The following KCNK13 variants were observed in gnomAD, a reference collection of about 807,000 sequenced individuals.
The protein encoded by KCNK13 is potassium channel subfamily K member 13.
A neutral mutation model predicts 23.4 loss-of-function variants in KCNK13; 12 were observed. That is an observed-to-expected ratio of 0.51 (90% confidence interval 0.33 to 0.83). KCNK13 has a LOEUF of 0.83. Among genes scored for constraint, KCNK13 ranks in the 40% least tolerant of loss-of-function variants. The pLI is 0.02. For synonymous variants in KCNK13, 231 were observed against 229.5 expected, an observed-to-expected ratio of 1.01 and a Z score of -0.06; for missense variants, 463 against 556.3, an observed-to-expected ratio of 0.83 and a Z score of 1.69.
At chr14:90,077,581 T>C (rs1328691099) in intron 1 of KCNK13, among the ~76,000 whole-genome samples, 2 of 152,236 alleles carry the variant, frequency 1.3e-5, no homozygotes, top group African/African-American at 2.4e-5. Flanking sequence ...ACTTTGATAT[T>C]GTGGATTTGA....
intron 1 of KCNK13, among the ~76,000 whole-genome samples, chr14:90,143,193 TCTTTCTTTTCTTTCTTTTC>T (rs1890034303): frequency 7.7e-6 from 1 of 129,136 alleles, no homozygotes; most frequent in African/African-American, 2.8e-5. Context: ...TTCTTTTCTT[TCTTTCTTTTCTTTCTTTTC>T]TTTTTTTTTT....
intron 1 of KCNK13, chr14:90,107,577 G>T: frequency 2.0e-6 from 1 of 488,076 alleles, no homozygotes; most frequent in East Asian, 4.1e-5. Context: ...CAAAAGTAAA[G>T]AGTGTGTTTA....
At chr14:90,102,453 A>C (rs1282188256) in intron 1 of KCNK13, among the ~76,000 whole-genome samples, 1 of 152,204 alleles carries the variant, frequency 6.6e-6, no homozygotes, top group African/African-American at 2.4e-5. Flanking sequence ...TGGCAAAGGC[A>C]GGATTTGATC....
At chr14:90,130,761 C>G (rs1255003165) in intron 1 of KCNK13, among the ~76,000 whole-genome samples, 4 of 152,032 alleles carry the variant, frequency 2.6e-5, no homozygotes, top group Non-Finnish European at 5.9e-5. Context: ...TTGTGGTGAG[C>G]CGAGATCGCA....
Position 90,184,618 on chromosome 14 carries a change from T to A in KCNK13, c.842T>A (p.Ile281Asn), listed in dbSNP as rs754425734. Residue 281 changes from isoleucine to asparagine, a missense_variant, in exon 2 of 2, where the codon ATC (isoleucine) becomes AAC (asparagine). Transcript: ENST00000282146. This position sits in a 1 kb window ranked among gnomAD's most constrained non-coding sequence, Gnocchi z 5.6. ...TACTCCTTGTTCAATGTCATCTCTATCCTCATCAAACAGTCCTTGAACTGG... is the reference window on the plus strand; with the variant it reads ...TACTCCTTGTTCAATGTCATCTCTAACCTCATCAAACAGTCCTTGAACTGG... ...CIYSLFNVIS[I>N]LIKQSLNWIL... 6.2e-7 allele frequency: 1 copy of A among 1,614,230 alleles called. No homozygotes were observed. The highest frequency in any genetic ancestry group is 8.5e-7 in the Non-Finnish European group (1 of 1,180,046).
At chr14:90,141,477 G>C (rs565644995) in intron 1 of KCNK13, among the ~76,000 whole-genome samples, 1 of 151,946 alleles carries the variant, frequency 6.6e-6, no homozygotes, top group Non-Finnish European at 1.5e-5. Flanking sequence ...TTGTTTCTGA[G>C]ATAGAGTTTC....
At chr14:90,151,364 A>G (rs890847559) in intron 1 of KCNK13, among the ~76,000 whole-genome samples, 12 of 152,092 alleles carry the variant, frequency 7.9e-5, no homozygotes, top group Admixed American at 3.3e-4. Context: ...TGTTGTTTTA[A>G]TTTGCATTTC....
intron 1 of KCNK13, among the ~76,000 whole-genome samples, chr14:90,170,848 G>A (rs1027902986): frequency 1.4e-4 from 22 of 152,174 alleles, no homozygotes; most frequent in Non-Finnish European, 1.0e-4. Context: ...GGACAGGGCT[G>A]ACTGCACCTG....
intron 1 of KCNK13, among the ~76,000 whole-genome samples, chr14:90,064,856 C>T (rs780212211): frequency 1.3e-5 from 2 of 152,080 alleles, no homozygotes; most frequent in East Asian, 1.9e-4. Flanking sequence ...TTATCAGGCC[C>T]GTATTAGGCA....
chr14:90,129,263 G>A (rs776465009), intron 1 of KCNK13, among the ~76,000 whole-genome samples: 10 of 152,044 alleles, frequency 6.6e-5, no homozygotes, highest in Admixed American at 1.3e-4. Context: ...TGGTTTGGGG[G>A]CACTGGGGCT....
At chr14:90,085,747 T>TTATATATTATATATTATATAAATTA (rs1363477926) in intron 1 of KCNK13, among the ~76,000 whole-genome samples, 1 of 134,034 alleles carries the variant, frequency 7.5e-6, no homozygotes, top group Non-Finnish European at 1.6e-5. Context: ...ACTTATATAA[T>TTATATATTATATATTATATAAATTA]TATATATTAT....
chr14:90,133,724 G>C (rs1442793712), intron 1 of KCNK13, among the ~76,000 whole-genome samples: 2 of 151,564 alleles, frequency 1.3e-5, no homozygotes, highest in Non-Finnish European at 2.9e-5. Context: ...TCTTCCCTTT[G>C]TCTGCCTGAG....
intron 1 of KCNK13, among the ~76,000 whole-genome samples, chr14:90,167,805 C>G (rs1416950020): frequency 6.6e-6 from 1 of 152,106 alleles, no homozygotes; most frequent in Non-Finnish European, 1.5e-5. Context: ...CCTCATTTTA[C>G]AAAAATAAAC....
intron 1 of KCNK13, among the ~76,000 whole-genome samples, chr14:90,163,663 C>T (rs1890273724): frequency 6.6e-6 from 1 of 152,046 alleles, no homozygotes; most frequent in Non-Finnish European, 1.5e-5. Flanking sequence ...TTGGCAGTTC[C>T]ATCTAACTTC....
intron 1 of KCNK13, among the ~76,000 whole-genome samples, chr14:90,178,123 G>A (rs1890443006): frequency 6.8e-6 from 1 of 147,616 alleles, no homozygotes; most frequent in Non-Finnish European, 1.5e-5. Flanking sequence ...CCCATTATCT[G>A]ATATTTAGGT....
intron 1 of KCNK13, among the ~76,000 whole-genome samples, chr14:90,077,322 T>C (rs1166597232): frequency 6.6e-6 from 1 of 151,716 alleles, no homozygotes; most frequent in Admixed American, 6.6e-5. Flanking sequence ...GGTTTCGCCA[T>C]GTTGGCCAGG....
intron 1 of KCNK13, among the ~76,000 whole-genome samples, chr14:90,086,146 A>G (rs1274527684): frequency 6.6e-6 from 1 of 152,104 alleles, no homozygotes; most frequent in African/African-American, 2.4e-5. Context: ...TGTAGTATTT[A>G]AATTTTAAAT....
intron 1 of KCNK13, among the ~76,000 whole-genome samples, chr14:90,111,388 C>G (rs767991891): frequency 6.6e-6 from 1 of 152,164 alleles, no homozygotes; most frequent in Non-Finnish European, 1.5e-5. Context: ...TTCACACATA[C>G]ACAGAGAAGA....
intron 1 of KCNK13, among the ~76,000 whole-genome samples, chr14:90,127,681 C>A (rs1889818017): frequency 1.3e-5 from 2 of 150,280 alleles, no homozygotes; most frequent in Admixed American, 6.6e-5. Context: ...GAGTGAGGGG[C>A]AGTAATGTGC....
Sources: allele counts gnomAD v4.1 joint callset (sites outside exome capture counted in the v4.1 genomes callset), GRCh38; gene constraint gnomAD v4.1.1; non-coding constraint Gnocchi (gnomAD v3.1); transcripts MANE v1.5; gene names NCBI Gene and HGNC (gene_info 2026-07-23, HGNC 2026-07-21).